The following CAPZA1 variants were observed in gnomAD, a reference collection of about 807,000 sequenced individuals.
CAPZA1 encodes F-actin-capping protein subunit alpha-1.
In CAPZA1, 10 loss-of-function variants were observed where a neutral mutation model predicts 40.8. The ratio of observed to expected loss-of-function variants is 0.25; its 90% CI spans 0.15 to 0.42. The LOEUF (loss-of-function observed/expected upper bound fraction) is 0.42. Among genes scored for constraint, CAPZA1 ranks in the 10% least tolerant of loss-of-function variants. The pLI is 1.00. For missense variants in CAPZA1, 277 were observed against 353.8 expected, an observed-to-expected ratio of 0.78 and a Z score of 1.74; for synonymous variants, 98 against 115.0, an observed-to-expected ratio of 0.85 and a Z score of 0.95.
intron 7 of CAPZA1, among the ~76,000 whole-genome samples, chr1:112,665,199 CAG>C (rs1164435967): frequency 8.5e-6 from 1 of 117,968 alleles, no homozygotes; most frequent in Admixed American, 1.0e-4. Context: ...TTTTTTGAGA[CAG>C]AGTCTTACTC....
chr1:112,628,504 G>A (rs1175776863), intron 1 of CAPZA1, among the ~76,000 whole-genome samples: 1 of 152,152 alleles, frequency 6.6e-6, no homozygotes, highest in Non-Finnish European at 1.5e-5. Context: ...AATCAAGTTA[G>A]AATGTTTTAA....
At chr1:112,650,698 A>G (rs1290091598) in intron 3 of CAPZA1, among the ~76,000 whole-genome samples, 1 of 152,246 alleles carries the variant, frequency 6.6e-6, no homozygotes, top group Non-Finnish European at 1.5e-5. Flanking sequence ...CACAGTAAAT[A>G]TGCTCTGTAC....
chr1:112,668,658 G>C (rs936884104), intron 8 of CAPZA1, among the ~76,000 whole-genome samples: 1 of 152,018 alleles, frequency 6.6e-6, no homozygotes, highest in East Asian at 1.9e-4. Context: ...GCTAATTTTT[G>C]TATTTTTAGT....
intron 5 of CAPZA1, among the ~76,000 whole-genome samples, chr1:112,656,412 A>G (rs1177457916): frequency 7.3e-6 from 1 of 137,704 alleles, no homozygotes; most frequent in Non-Finnish European, 1.5e-5. Context: ...ATGTTAGATG[A>G]ATGTTAGGCT....
intron 1 of CAPZA1, among the ~76,000 whole-genome samples, chr1:112,627,691 G>A (rs1158638085): frequency 3.7e-5 from 5 of 134,924 alleles, no homozygotes; most frequent in African/African-American, 8.3e-5. Context: ...AGTGGTTCAC[G>A]CCTGTAATCC....
intron 1 of CAPZA1, among the ~76,000 whole-genome samples, chr1:112,625,123 T>A (rs72984503): frequency 0.031 from 4,787 of 152,230 alleles, 272 homozygotes; most frequent in African/African-American, 0.11. Context: ...TCTCTAGGTG[T>A]TTCTTGTATT....
chr1:112,647,048 G>A (rs1296248277), intron 1 of CAPZA1, among the ~76,000 whole-genome samples, 162 bp from the exon 2 acceptor site: 1 of 151,880 alleles, frequency 6.6e-6, no homozygotes, highest in African/African-American at 2.4e-5. Context: ...ACAGCTTTGG[G>A]GTGCTTTATG....
intron 2 of CAPZA1, among the ~76,000 whole-genome samples, chr1:112,648,869 C>T (rs189334680): frequency 1.3e-5 from 2 of 151,808 alleles, no homozygotes; most frequent in African/African-American, 2.4e-5. Flanking sequence ...AGGCTGAGGC[C>T]GGAGAATCTC....
intron 1 of CAPZA1, among the ~76,000 whole-genome samples, chr1:112,624,521 T>C (rs1670758269): frequency 7.3e-6 from 1 of 136,222 alleles, no homozygotes; most frequent in Non-Finnish European, 1.5e-5. Context: ...GGCAGGAGAA[T>C]AGCTTGAACC....
chr1:112,646,018 G>A (rs1307302050), intron 1 of CAPZA1, among the ~76,000 whole-genome samples: 3 of 151,918 alleles, frequency 2.0e-5, no homozygotes, highest in South Asian at 4.1e-4. Context: ...CATATTAATG[G>A]ATTGGAGTAG....
intron 2 of CAPZA1, among the ~76,000 whole-genome samples, chr1:112,648,959 G>T: frequency 7.2e-6 from 1 of 139,262 alleles, no homozygotes; most frequent in Admixed American, 7.3e-5. Context: ...GTGAGACTTC[G>T]TCTCAAAAAA....
At chr1:112,657,253 C>A (rs1315051264) in intron 5 of CAPZA1, among the ~76,000 whole-genome samples, 1 of 152,042 alleles carries the variant, frequency 6.6e-6, no homozygotes, top group Non-Finnish European at 1.5e-5. Context: ...CATGAGCCAC[C>A]AGGCCCGGCC....
Position 112,669,925 on chromosome 1 carries a change from A to T in CAPZA1, c.721-67A>T. On this transcript the variant is annotated intron_variant, in intron 9 of 9. Coordinates refer to ENST00000263168, the MANE Select transcript of CAPZA1 (RefSeq NM_006135.3). ...CTCAAGCATATCCATTGACTATAGC[A>T]TTACTTTTCTGTTCACAACCAGCCC... 3 of 1,566,370 alleles carry T rather than the reference A, an allele frequency of 1.9e-6. No homozygotes were observed. In the South Asian group the frequency reaches 3.4e-5, roughly 18 times the overall value.
At chr1:112,651,991 C>T (rs542369582) in intron 3 of CAPZA1, among the ~76,000 whole-genome samples, 7 of 151,902 alleles carry the variant, frequency 4.6e-5, no homozygotes, top group African/African-American at 7.2e-5. Context: ...TGTGGTGGTG[C>T]GCATCTGTAA....
chr1:112,668,818 A>G (rs772479513), intron 8 of CAPZA1, among the ~76,000 whole-genome samples: 3 of 152,226 alleles, frequency 2.0e-5, no homozygotes, highest in Non-Finnish European at 4.4e-5. Context: ...TGATAAAGTC[A>G]TCACACATCA....
At chr1:112,638,938 GTATAGA>G (rs1446766558) in intron 1 of CAPZA1, among the ~76,000 whole-genome samples, 1 of 78,004 alleles carries the variant, frequency 1.3e-5, no homozygotes, top group East Asian at 2.8e-4. Flanking sequence ...ATAGATATAG[GTATAGA>G]TATAGAGATA....
At chr1:112,648,742 C>T (rs1054576855) in intron 2 of CAPZA1, among the ~76,000 whole-genome samples, 2 of 151,948 alleles carry the variant, frequency 1.3e-5, no homozygotes, top group Non-Finnish European at 1.5e-5. Context: ...GTGAGCAGAT[C>T]GCCTTAGGTC....
intron 1 of CAPZA1, among the ~76,000 whole-genome samples, chr1:112,624,817 TTAAC>T (rs1477538038): frequency 2.0e-5 from 3 of 152,064 alleles, no homozygotes; most frequent in African/African-American, 7.2e-5. Context: ...GAAAATTTAA[TTAAC>T]TATTTCAAAC....
At chr1:112,629,216 A>T (rs1245864906) in intron 1 of CAPZA1, among the ~76,000 whole-genome samples, 2 of 152,198 alleles carry the variant, frequency 1.3e-5, no homozygotes, top group African/African-American at 4.8e-5. Flanking sequence ...ATTCTCGCTG[A>T]ATAATCTTTG....
Sources: gnomAD v4.1 joint callset for allele counts (sites outside exome capture counted in the v4.1 genomes callset) on GRCh38, gnomAD v4.1.1 for gene constraint, MANE v1.5 for transcripts, NCBI Gene and HGNC (gene_info 2026-07-23, HGNC 2026-07-21) for gene names.